The following METTL14 variants were observed in gnomAD, a reference collection of about 807,000 sequenced individuals.
METTL14 encodes the protein N(6)-adenosine-methyltransferase non-catalytic subunit METTL14.
In METTL14, 32 loss-of-function variants were observed where a neutral mutation model predicts 62.4. The observed-to-expected ratio is 0.51, with a 90% confidence interval of 0.39 to 0.69. The LOEUF (loss-of-function observed/expected upper bound fraction) is 0.69. METTL14 is among the 30% of genes least tolerant of loss of function. The pLI is 0.00. For missense variants in METTL14, 340 were observed against 551.9 expected (o/e 0.62, Z 3.85); for synonymous variants, 150 against 180.0 (o/e 0.83, Z 1.34).
At chr4:118,696,117 CAAAAAAAAAAA>C (rs70941201) in intron 6 of METTL14, among the ~76,000 whole-genome samples, 6 of 33,906 alleles carry the variant, frequency 1.8e-4, no homozygotes, top group South Asian at 2.0e-3. Flanking sequence ...GACTCTGTCT[CAAAAAAAAAAA>C]AAAAAAAAAA....
In METTL14 at chr4:118,710,091, G is replaced by A. The variant is rs1426648517; in HGVS notation, c.1160G>A (p.Gly387Asp). 6.2e-7 allele frequency: 1 copy of A among 1,614,066 alleles called. No individual in the cohort carries two copies. The highest frequency in any genetic ancestry group is 1.3e-5 in the African/African-American group (1 of 74,916). ...YFSAPNSYLTGCTEEIERLRP... is the reference protein window; with the variant it reads ...YFSAPNSYLTDCTEEIERLRP... ...AGTGCTCCTAATTCCTACTTGACTG[G>A]TTGTACAGAAGAAATTGAGAGACTT... The change falls in exon 11 of 11, where the codon GGT (glycine) becomes GAT (aspartate). Residue 387 changes from glycine (G) to aspartate (D), a missense_variant. Physicochemically the swap from Gly to Asp is moderately conservative, Grantham distance 94. This residue lies in a region of METTL14 where 8 missense variants were observed against 34.9 expected (regional missense o/e 0.23). Transcript: ENST00000388822.
intron 10 of METTL14, among the ~76,000 whole-genome samples, chr4:118,707,663 C>CAAAA (rs58896173): frequency 5.5e-5 from 3 of 54,060 alleles, no homozygotes; most frequent in Non-Finnish European, 7.8e-5. Flanking sequence ...GACCCTGTCT[C>CAAAA]AAAAAAAAAA....
In METTL14 at chr4:118,702,200, A is replaced by G. The variant is rs527304832; in HGVS notation, c.738+1558A>G. The stretch of plus-strand genomic sequence containing the variant: ...AGTGGTGCGATCTTGGCTCCCTGCA[A>G]AACTCTGCTTCCCAGTTGAAGCAGT... On this transcript the variant is annotated intron_variant, in intron 8 of 10. Coordinates refer to ENST00000388822, the MANE Select transcript of METTL14 (RefSeq NM_020961.4). Among the ~76,000 whole-genome samples the G allele has an allele frequency of 9.3e-5, 14 of 151,344 alleles. No individual in the cohort carries two copies. In the East Asian group the frequency reaches 2.7e-3, roughly 29 times the overall value.
chr4:118,708,944 A>G (rs890573793), intron 10 of METTL14, among the ~76,000 whole-genome samples: 2 of 152,202 alleles, frequency 1.3e-5, no homozygotes, highest in Non-Finnish European at 2.9e-5. Flanking sequence ...CTTCCATTCT[A>G]AAGACAGTTT....
chr4:118,692,171 G>A lies in METTL14; in HGVS notation c.412+103G>A, dbSNP rs542170023. On this transcript the variant is annotated intron_variant, in intron 5 of 10. Transcript: ENST00000388822. ...TCTAACAAAATTATTTCTCCAGCTT[G>A]ACATCTTTTTTTCGTTCTCAGTGCT... is the stretch of plus-strand genomic sequence containing the variant. 4.1e-6 allele frequency: 3 copies of A among 724,004 alleles called. No homozygotes were observed. The Admixed American group carries it at 8.0e-5, about 19-fold the overall frequency. 44.8% of individuals were successfully genotyped at this position (724,004 alleles called of 1,614,324 possible). A position where few individuals can be genotyped will look rare whatever the true frequency, so the allele number is the denominator to read the frequency against.
chr4:118,707,737 C>T (rs971975058), intron 10 of METTL14, among the ~76,000 whole-genome samples: 1 of 151,644 alleles, frequency 6.6e-6, no homozygotes, highest in Non-Finnish European at 1.5e-5. Flanking sequence ...AAGGACATAG[C>T]CTAAGGTATT....
rs748443975 is a variant in METTL14 at position 118,685,611 on chromosome 4, C to G, written c.66+11C>G. On this transcript the variant is annotated intron_variant, in intron 1 of 10. Coordinates refer to ENST00000388822, the MANE Select transcript of METTL14 (RefSeq NM_020961.4). ...CTCCTCGCGCAGCAGGTCCGCGGCC[C>G]TGGTGTCCCCTGTGGGAGGGATCGA... is the stretch of plus-strand genomic sequence containing the variant. 5 of 1,613,692 alleles carry G rather than the reference C, an allele frequency of 3.1e-6. No homozygotes were observed. Among genetic ancestry groups the G allele is most frequent in the Middle Eastern group, 1.7e-4 (1 of 6,006 alleles).
intron 9 of METTL14, among the ~76,000 whole-genome samples, chr4:118,705,215 C>G (rs889678742): frequency 6.6e-6 from 1 of 152,168 alleles, no homozygotes; most frequent in Admixed American, 6.5e-5. Context: ...TGGCTCACTT[C>G]TGTAATCCCA....
Position 118,713,332 on chromosome 4 carries a change from T to C in METTL14, c.*3030T>C, listed in dbSNP as rs1330068799. On this transcript the variant is annotated 3_prime_UTR_variant, in exon 11 of 11. Coordinates refer to ENST00000388822, the MANE Select transcript of METTL14 (RefSeq NM_020961.4). ...TGCATCAGGGTGTCACAGCTGCTAC[T>C]AGGAGTTACTCCTTTTCATGTCTTT... 6.6e-6 allele frequency: 1 copy of C among 152,258 alleles called. No individual in the cohort carries two copies. Among genetic ancestry groups the C allele is most frequent in the African/African-American group, 2.4e-5 (1 of 41,480 alleles). 9.4% of individuals were successfully genotyped at this position (152,258 alleles called of 1,614,324 possible).
chr4:118,707,510 A>G (rs1021627696), intron 10 of METTL14, among the ~76,000 whole-genome samples: 15 of 151,776 alleles, frequency 9.9e-5, no homozygotes, highest in African/African-American at 3.4e-4. Context: ...CTAAAAATAC[A>G]AAAATTAGCT....
At position 118,696,540 on chromosome 4, in the gene METTL14, T is replaced by TCAAA. The variant is rs762260105; in HGVS notation, c.504-620_504-617dup. Among the ~76,000 whole-genome samples the TCAAA allele has an allele frequency of 2.2e-3, 335 of 152,138 alleles. 1 individual carries two copies. Among genetic ancestry groups the TCAAA allele is most frequent in the African/African-American group, 7.2e-3 (300 of 41,504 alleles). Reference sequence around the variant, plus strand: ...CTGAGCAATATAGTGAGACCTTGTCTCAAACAAACAAACAAACAAACAAAC... The same window carrying TCAAA: ...CTGAGCAATATAGTGAGACCTTGTCTCAAACAAACAAACAAACAAACAAACAAAC... On this transcript the variant is annotated intron_variant, in intron 6 of 10. Coordinates refer to ENST00000388822, the MANE Select transcript of METTL14 (RefSeq NM_020961.4).
chr4:118,695,287 C>G (rs1035516660), intron 6 of METTL14, among the ~76,000 whole-genome samples: 4 of 151,960 alleles, frequency 2.6e-5, no homozygotes, highest in Middle Eastern at 6.8e-3. Context: ...GGTGGCTCAC[C>G]CCTCTAATCC....
chr4:118,693,744 G>A (rs942204367), intron 5 of METTL14, among the ~76,000 whole-genome samples: 1 of 152,092 alleles, frequency 6.6e-6, no homozygotes, highest in African/African-American at 2.4e-5. Context: ...AGGAAAAGTT[G>A]TACCTTCTGT....
chr4:118,696,471 G>T (rs1310844799), intron 6 of METTL14, among the ~76,000 whole-genome samples: 8 of 152,068 alleles, frequency 5.3e-5, no homozygotes, highest in African/African-American at 1.9e-4. Flanking sequence ...GTTTGAGATT[G>T]TAGTACTGTA....
At chr4:118,705,484 G>A in intron 9 of METTL14, 127 bp from the exon 10 acceptor site, 1 of 788,680 alleles carries the variant, frequency 1.3e-6, no homozygotes, top group South Asian at 1.7e-5. Flanking sequence ...AAAAAGAAGA[G>A]AAATAACTGT....
chr4:118,705,509 G>A lies in METTL14; in HGVS notation c.856-102G>A, dbSNP rs1044067570. The A allele has an allele frequency of 3.0e-5, 29 of 954,282 alleles. 1 individual carries two copies. The highest frequency in any genetic ancestry group is 2.2e-4 in the Middle Eastern group (1 of 4,554). The allele number at this position is 954,282 out of a possible 1,614,324, so 59.1% of individuals were successfully genotyped here. A position where few individuals can be genotyped will look rare whatever the true frequency, so the allele number is the denominator to read the frequency against. On this transcript the variant is annotated intron_variant, in intron 9 of 10. Transcript: ENST00000388822. ...GAAATAACTGTATCCCAAAGATTCC[G>A]AGAAATGAGGATTGTTTTAGAATTG...
At position 118,705,787 on chromosome 4, in the gene METTL14, T is replaced by G. The variant is rs182378552; in HGVS notation, c.1032T>G (p.Leu344=). ...ATTTTTGTCTTGGTAGAAGACGCCT[T>G]CATCTATTTGGAAGAGATAGTACAA... ...IEHFCLGRRR[L]HLFGRDSTIR... is the part of the protein sequence containing the mutation. Residue 344 remains leucine, a synonymous_variant, in exon 10 of 11, where the codon CTT becomes CTG. Transcript: ENST00000388822. The G allele has an allele frequency of 4.0e-5, 65 of 1,614,050 alleles. No individual in the cohort carries two copies. In the East Asian group the frequency reaches 7.1e-4, roughly 18 times the overall value.
At chr4:118,693,463 A>T (rs1724315378) in intron 5 of METTL14, among the ~76,000 whole-genome samples, 1 of 152,158 alleles carries the variant, frequency 6.6e-6, no homozygotes, top group South Asian at 2.1e-4. Context: ...ATTTTCTCGC[A>T]TTCTGTGGGT....
At chr4:118,689,617 A>G (rs1042260231) in intron 3 of METTL14, 160 bp downstream of exon 3, 9 of 433,380 alleles carry the variant, frequency 2.1e-5, no homozygotes, top group Admixed American at 8.5e-5. Context: ...AGACCATTAT[A>G]TCAGTTTTCT....
Sources: gnomAD v4.1 joint callset for allele counts (sites outside exome capture counted in the v4.1 genomes callset) on GRCh38, gnomAD v4.1.1 for gene constraint, gnomAD v4.1.1 regional missense constraint, MANE v1.5 for transcripts, NCBI Gene and HGNC (gene_info 2026-07-23, HGNC 2026-07-21) for gene names.